Variants in MCPH1 observed in about 807,000 individuals in gnomAD.
MCPH1 encodes the protein microcephalin.
A neutral mutation model predicts 84.5 loss-of-function variants in MCPH1; 104 were observed. The observed-to-expected ratio is 1.23, with a 90% confidence interval of 1.05 to 1.45. The LOEUF is 1.45. MCPH1 is among the 40% of genes most tolerant of loss of function. The probability of loss-of-function intolerance (pLI) is 0.00; values close to 1 mark genes in which losing one functional copy is unlikely to be tolerated. For synonymous variants in MCPH1, 514 were observed against 366.8 expected (o/e 1.40, Z -4.58); for missense variants, 1,498 against 1,005.7 (o/e 1.49, Z -6.62).
At chr8:6,423,451 C>T (rs1364749897) in intron 3 of MCPH1, among the ~76,000 whole-genome samples, 5 of 152,118 alleles carry the variant, frequency 3.3e-5, no homozygotes, top group African/African-American at 1.2e-4. Flanking sequence ...TGGCATGAGC[C>T]CCTGCGCCCG....
At chr8:6,505,206 A>G (rs1813073873) in intron 12 of MCPH1, among the ~76,000 whole-genome samples, 1 of 107,938 alleles carries the variant, frequency 9.3e-6, no homozygotes, top group South Asian at 3.1e-4. Context: ...ATGTATATAT[A>G]GAATATATAT....
At chr8:6,634,804 C>A (rs1031335495) in intron 13 of MCPH1, 1 of 152,168 alleles carries the variant, frequency 6.6e-6, no homozygotes, top group Non-Finnish European at 1.5e-5. Flanking sequence ...TGTGTACTTT[C>A]CCCCAAACGT....
intron 12 of MCPH1, chr8:6,521,226 G>C (rs1366394784): frequency 1.2e-6 from 2 of 1,613,906 alleles, no homozygotes; most frequent in East Asian, 4.5e-5. Context: ...GTCTCCATGA[G>C]ATCATGTTGC....
chr8:6,484,648 A>T (rs1003280964), intron 11 of MCPH1, among the ~76,000 whole-genome samples: 2 of 152,248 alleles, frequency 1.3e-5, no homozygotes, highest in Admixed American at 1.3e-4. Flanking sequence ...TGAATGGATC[A>T]ACCAGCTGGA....
chr8:6,515,003 TA>T (rs1015351335), intron 12 of MCPH1, among the ~76,000 whole-genome samples: 20 of 152,156 alleles, frequency 1.3e-4, no homozygotes, highest in Admixed American at 5.9e-4. Context: ...TAATATAATA[TA>T]AAGTGTTGAT....
At chr8:6,488,886 G>A (rs151022330) in intron 11 of MCPH1, among the ~76,000 whole-genome samples, 6 of 152,078 alleles carry the variant, frequency 3.9e-5, no homozygotes, top group Non-Finnish European at 5.9e-5. Flanking sequence ...GTGTCTAGAG[G>A]GGGGGTTGAT....
chr8:6,431,472 TTA>T (rs1563197647), intron 3 of MCPH1, 25 bp from the exon 4 acceptor site: 9 of 1,569,640 alleles, frequency 5.7e-6, no homozygotes, highest in Non-Finnish European at 2.6e-6. Context: ...CAAATACTCA[TTA>T]GACTACCTTA....
intron 6 of MCPH1, among the ~76,000 whole-genome samples, chr8:6,440,417 A>G (rs1803331593): frequency 6.6e-6 from 1 of 152,162 alleles, no homozygotes; most frequent in Non-Finnish European, 1.5e-5. Context: ...TTAAAGACAT[A>G]GAGTCTCCCT....
chr8:6,637,705 C>A (rs996486836), intron 13 of MCPH1, among the ~76,000 whole-genome samples: 5 of 152,064 alleles, frequency 3.3e-5, no homozygotes, highest in African/African-American at 1.2e-4. Flanking sequence ...GTTGCCCAGG[C>A]TGGTTTTGAA....
chr8:6,526,748 C>T (rs979259023), intron 12 of MCPH1, among the ~76,000 whole-genome samples: 2 of 152,018 alleles, frequency 1.3e-5, no homozygotes, highest in Admixed American at 6.6e-5. Context: ...ATTGTTATAG[C>T]CATGTTCCAT....
chr8:6,522,063 A>T (rs56405992), intron 12 of MCPH1, among the ~76,000 whole-genome samples: 17,464 of 152,190 alleles, frequency 0.11, 1,144 homozygotes, highest in African/African-American at 0.18. Flanking sequence ...GGGTTTTAAA[A>T]TGTAAATGCT....
intron 13 of MCPH1, chr8:6,625,400 T>A (rs1831963867): frequency 1.0e-6 from 1 of 985,338 alleles, no homozygotes; most frequent in South Asian, 4.7e-5. Flanking sequence ...GGAGACTTTT[T>A]TTCCTCCCGT....
intron 12 of MCPH1, among the ~76,000 whole-genome samples, chr8:6,507,099 T>C: frequency 6.6e-6 from 1 of 152,158 alleles, no homozygotes; most frequent in East Asian, 1.9e-4. Context: ...GGTTTTGCCA[T>C]GTTGGCCAGG....
chr8:6,614,486 C>T (rs571101336), intron 12 of MCPH1, among the ~76,000 whole-genome samples: 1 of 152,234 alleles, frequency 6.6e-6, no homozygotes, highest in Non-Finnish European at 1.5e-5. Flanking sequence ...CCCCTCTTGT[C>T]CCTCCCTGCG....
chr8:6,568,831 T>C (rs1826434344), intron 12 of MCPH1, among the ~76,000 whole-genome samples: 1 of 152,252 alleles, frequency 6.6e-6, no homozygotes, highest in East Asian at 1.9e-4. Flanking sequence ...CCTGCAGGCC[T>C]TGGAGGCGGT....
chr8:6,639,567 G>T (rs1363518883), intron 13 of MCPH1, among the ~76,000 whole-genome samples: 1 of 151,984 alleles, frequency 6.6e-6, no homozygotes. Context: ...GGACGTCAAG[G>T]TGGGAGGATC....
intron 11 of MCPH1, among the ~76,000 whole-genome samples, chr8:6,493,623 C>T (rs1199720522): frequency 6.6e-6 from 1 of 152,152 alleles, no homozygotes; most frequent in Non-Finnish European, 1.5e-5. Context: ...CCTGGGGGAT[C>T]TTACTGAAGT....
Position 6,607,531 on chromosome 8 carries a change from T to G in MCPH1, c.2215-13923T>G, listed in dbSNP as rs377154196. Reference sequence around the variant, plus strand: ...TAGCAATGGGTGAGGAAAGAAATCTTTCCTTCCCTACTGATATGGTTTGGC... The same window carrying G: ...TAGCAATGGGTGAGGAAAGAAATCTGTCCTTCCCTACTGATATGGTTTGGC... On this transcript the variant is annotated intron_variant, in intron 12 of 13. Coordinates refer to ENST00000344683, the MANE Select transcript of MCPH1 (RefSeq NM_024596.5). 7.3e-4 allele frequency among the ~76,000 whole-genome samples: 111 copies of G among 152,352 alleles called. 1 individual carries two copies. Among genetic ancestry groups the G allele is most frequent in the African/African-American group, 2.3e-3 (97 of 41,584 alleles).
Position 6,446,585 on chromosome 8 carries a change from C to G in MCPH1, c.1825+1038C>G, listed in dbSNP as rs1260842602. Reference sequence around the variant, plus strand: ...AAACTGTATTTTATGTTCCATTAGCCTTAGTATGTGTTTTCAAAATATTTA... The same window carrying G: ...AAACTGTATTTTATGTTCCATTAGCGTTAGTATGTGTTTTCAAAATATTTA... On this transcript the variant is annotated intron_variant, in intron 8 of 13. Coordinates refer to ENST00000344683, the MANE Select transcript of MCPH1 (RefSeq NM_024596.5). The G allele has an allele frequency of 5.1e-6, 5 of 980,906 alleles. No homozygotes were observed. The East Asian group carries it at 4.5e-4, about 89-fold the overall frequency. The allele number at this position is 980,906 out of a possible 1,614,324, so 60.8% of individuals were successfully genotyped here. A position where few individuals can be genotyped will look rare whatever the true frequency, so the allele number is the denominator to read the frequency against.
Sources: gnomAD v4.1 joint callset for allele counts (sites outside exome capture counted in the v4.1 genomes callset) on GRCh38, gnomAD v4.1.1 for gene constraint, MANE v1.5 for transcripts, NCBI Gene and HGNC (gene_info 2026-07-23, HGNC 2026-07-21) for gene names.